Variants in CASR observed in about 807,000 individuals in gnomAD.
CASR encodes the protein calcium sensing receptor.
A neutral mutation model predicts 69.1 loss-of-function variants in CASR; 23 were observed. The ratio of observed to expected loss-of-function variants is 0.33; its 90% CI spans 0.24 to 0.47. The LOEUF (loss-of-function observed/expected upper bound fraction) is 0.47, where lower values mean the gene tolerates loss of function less well. Ranked by LOEUF, CASR falls within the 20% of genes least tolerant of loss-of-function variation. The probability of loss-of-function intolerance (pLI) is 1.00; values close to 1 mark genes in which losing one functional copy is unlikely to be tolerated. For missense variants in CASR, 924 were observed against 1,356.1 expected (o/e 0.68, Z 5.00); for synonymous variants, 541 against 544.7 (o/e 0.99, Z 0.10).
chr3:122,250,098 G>C lies in CASR; in HGVS notation c.-242-3850G>C, dbSNP rs528670979. 2.5e-4 allele frequency among the ~76,000 whole-genome samples: 38 copies of C among 152,308 alleles called. 1 individual carries two copies. In the South Asian group the frequency reaches 7.2e-3, roughly 29 times the overall value. On this transcript the variant is annotated intron_variant, in intron 1 of 6. Coordinates refer to ENST00000639785, the MANE Select transcript of CASR (RefSeq NM_000388.4). ...AAAATAAAGCTTTTACAACATGGAAGGTGGAAGGTGATGGGAGCTGGACGA... is the reference window on the plus strand; with the variant it reads ...AAAATAAAGCTTTTACAACATGGAACGTGGAAGGTGATGGGAGCTGGACGA...
At chr3:122,266,325 C>T (rs749266710) in intron 4 of CASR, among the ~76,000 whole-genome samples, 42 of 151,432 alleles carry the variant, frequency 2.8e-4, no homozygotes, top group Non-Finnish European at 5.6e-4. Context: ...CCTGTATTTG[C>T]CCCTCTTTTA....
chr3:122,201,669 CG>C (rs2073953469), intron 1 of CASR, among the ~76,000 whole-genome samples: 1 of 77,802 alleles, frequency 1.3e-5, no homozygotes, highest in African/African-American at 3.8e-5. Flanking sequence ...GCTGGCCAGG[CG>C]GGGGCTGACC....
chr3:122,243,355 G>A (rs2074396595), intron 1 of CASR, among the ~76,000 whole-genome samples: 1 of 152,082 alleles, frequency 6.6e-6, no homozygotes, highest in African/African-American at 2.4e-5. Flanking sequence ...GATTTAAAAT[G>A]GGTAAAAGAT....
chr3:122,205,546 C>G (rs1211959575), intron 1 of CASR, among the ~76,000 whole-genome samples: 1 of 151,682 alleles, frequency 6.6e-6, no homozygotes, highest in African/African-American at 2.4e-5. Context: ...TGTGGCTATT[C>G]AGGGTCTTTT....
At chr3:122,278,504 G>T (rs1466615025) in intron 5 of CASR, among the ~76,000 whole-genome samples, 1 of 152,196 alleles carries the variant, frequency 6.6e-6, no homozygotes, top group East Asian at 1.9e-4. Context: ...CTTAATTAGG[G>T]TCTTGGAATT....
intron 1 of CASR, among the ~76,000 whole-genome samples, chr3:122,199,969 G>T (rs2073926412): frequency 1.3e-5 from 2 of 152,160 alleles, no homozygotes; most frequent in South Asian, 4.1e-4. Flanking sequence ...GAGCAATGGT[G>T]CAATCTTGGC....
chr3:122,245,664 A>T (rs2074421045), intron 1 of CASR, among the ~76,000 whole-genome samples: 1 of 152,138 alleles, frequency 6.6e-6, no homozygotes, highest in African/African-American at 2.4e-5. Flanking sequence ...CAAGAACAGG[A>T]TGTAATACAG....
At chr3:122,197,041 T>C (rs2073898324) in intron 1 of CASR, among the ~76,000 whole-genome samples, 1 of 152,220 alleles carries the variant, frequency 6.6e-6, no homozygotes, top group Non-Finnish European at 1.5e-5. Context: ...ACCAAGATGC[T>C]GTACATTAGA....
At chr3:122,256,988 G>T in intron 2 of CASR, 93 bp from the exon 3 acceptor site, 1 of 1,025,352 alleles carries the variant, frequency 9.8e-7, no homozygotes, top group South Asian at 1.3e-5. Context: ...AGTAGTAACA[G>T]TTCGATGATT....
intron 1 of CASR, among the ~76,000 whole-genome samples, chr3:122,206,882 A>G (rs546986938): frequency 1.3e-5 from 2 of 152,096 alleles, no homozygotes; most frequent in East Asian, 3.9e-4. Context: ...GCAGTCTCTA[A>G]TGATTCTTTG....
intron 4 of CASR, among the ~76,000 whole-genome samples, chr3:122,264,791 T>A (rs1303569537): frequency 2.6e-5 from 4 of 152,208 alleles, no homozygotes; most frequent in African/African-American, 7.2e-5. Flanking sequence ...GGCCAGGAGA[T>A]GAACTAGCAA....
At chr3:122,220,502 T>G (rs2074159466) in intron 1 of CASR, among the ~76,000 whole-genome samples, 1 of 152,230 alleles carries the variant, frequency 6.6e-6, no homozygotes, top group African/African-American at 2.4e-5. Context: ...TGATAACAGT[T>G]TACCACAATG....
In CASR at chr3:122,227,388, G is replaced by A. The variant is rs777727538; in HGVS notation, c.-242-26560G>A. Among the ~76,000 whole-genome samples, 8 of 152,326 alleles carry A rather than the reference G, an allele frequency of 5.3e-5. 1 individual carries two copies. Among genetic ancestry groups the A allele is most frequent in the South Asian group, 4.1e-4 (2 of 4,826 alleles). Reference sequence around the variant, plus strand: ...CCCCACGGGGAGGCAGCTAAGGCCCGTGAGAAGTCGAGCACAGCAGCTGCT... The same window carrying A: ...CCCCACGGGGAGGCAGCTAAGGCCCATGAGAAGTCGAGCACAGCAGCTGCT... On this transcript the variant is annotated intron_variant, in intron 1 of 6. Coordinates refer to ENST00000639785, the MANE Select transcript of CASR (RefSeq NM_000388.4).
At position 122,284,725 on chromosome 3, in the gene CASR, T is replaced by C. The variant is rs922534407; in HGVS notation, c.2771T>C (p.Phe924Ser). ...ISSKSNSEDP[F>S]PQPERQKQQQ... is the part of the protein sequence containing the mutation. ...AGCAAGAGCAACAGCGAAGACCCAT[T>C]CCCACAGCCCGAGAGGCAGAAGCAG... The change falls in exon 7 of 7, where the codon TTC (phenylalanine) becomes TCC (serine). Residue 924 changes from phenylalanine to serine, a missense_variant. This residue lies in a region of CASR where 201 missense variants were observed against 228.8 expected (regional missense o/e 0.88). Transcript: ENST00000639785. 6 of 1,613,882 alleles carry C rather than the reference T, an allele frequency of 3.7e-6. No individual in the cohort carries two copies. Among genetic ancestry groups the C allele is most frequent in the Non-Finnish European group, 5.1e-6 (6 of 1,179,982 alleles).
chr3:122,257,512 A>G, intron 3 of CASR, 125 bp downstream of exon 3: 1 of 676,648 alleles, frequency 1.5e-6, no homozygotes, highest in Non-Finnish European at 2.5e-6. Flanking sequence ...CCTATGATTT[A>G]GTTGATATGC....
At chr3:122,236,367 C>A (rs2074329257) in intron 1 of CASR, among the ~76,000 whole-genome samples, 1 of 152,198 alleles carries the variant, frequency 6.6e-6, no homozygotes, top group Non-Finnish European at 1.5e-5. Context: ...GTTCATGATT[C>A]TTCCGGGCAA....
chr3:122,281,821 G>A (rs1360699723), intron 5 of CASR, among the ~76,000 whole-genome samples: 6 of 152,220 alleles, frequency 3.9e-5, no homozygotes, highest in African/African-American at 7.2e-5. Context: ...AAGTAGTGGC[G>A]CTTTTCCCAG....
chr3:122,203,265 A>T lies in CASR; in HGVS notation c.-243+19453A>T, dbSNP rs145145825. 1.0e-3 allele frequency among the ~76,000 whole-genome samples: 158 copies of T among 152,310 alleles called. 1 individual carries two copies. Among genetic ancestry groups the T allele is most frequent in the African/African-American group, 3.6e-3 (149 of 41,576 alleles). On this transcript the variant is annotated intron_variant, in intron 1 of 6. Coordinates refer to ENST00000639785, the MANE Select transcript of CASR (RefSeq NM_000388.4). ...CATTCCAACAATATTGAGCCTTCCTATCTGTATGAACACAGGAGAGACAGT... is the reference window on the plus strand; with the variant it reads ...CATTCCAACAATATTGAGCCTTCCTTTCTGTATGAACACAGGAGAGACAGT...
chr3:122,199,393 G>A lies in CASR; in HGVS notation c.-243+15581G>A, dbSNP rs556708737. 1.2e-3 allele frequency among the ~76,000 whole-genome samples: 180 copies of A among 152,284 alleles called. 1 individual carries two copies. Among genetic ancestry groups the A allele is most frequent in the Middle Eastern group, 0.01 (3 of 294 alleles). ...AACCCTTCCTTAAACCTTCTCCTAA[G>A]AAATTATCTTCCTTTTTTCTATATG... On this transcript the variant is annotated intron_variant, in intron 1 of 6. Transcript: ENST00000639785.
Sources: gnomAD v4.1 joint callset for allele counts (sites outside exome capture counted in the v4.1 genomes callset) on GRCh38, gnomAD v4.1.1 for gene constraint, gnomAD v4.1.1 regional missense constraint, MANE v1.5 for transcripts, NCBI Gene and HGNC (gene_info 2026-07-23, HGNC 2026-07-21) for gene names.